PRDM16: variants seen among roughly 807,000 people sequenced by gnomAD.
PRDM16 encodes the protein PR/SET domain 16.
A neutral mutation model predicts 110.6 loss-of-function variants in PRDM16; 23 were observed. That is an observed-to-expected ratio of 0.21 (90% CI 0.15 to 0.29). The LOEUF is 0.29. Ranked by LOEUF, PRDM16 falls within the 10% of genes least tolerant of loss-of-function variation. The pLI is 1.00. For synonymous variants in PRDM16, 799 were observed against 781.8 expected (o/e 1.02, Z -0.37); for missense variants, 1,615 against 1,794.3 (o/e 0.90, Z 1.81).
At chr1:3,310,358 C>G (rs541331167) in intron 3 of PRDM16, among the ~76,000 whole-genome samples, 1 of 152,290 alleles carries the variant, frequency 6.6e-6, no homozygotes, top group African/African-American at 2.4e-5. Context: ...TAAAGCGACC[C>G]GGTCACCGCC....
chr1:3,191,000 C>G lies in PRDM16; in HGVS notation c.387+4526C>G, dbSNP rs1446248791. On this transcript the variant is annotated intron_variant, in intron 2 of 16. Transcript: ENST00000270722. This position sits in a 1 kb window ranked among gnomAD's most constrained non-coding sequence, Gnocchi z 5.0. ...GCTGGGGCGGGATCCCGCAGGACCC[C>G]CAGGGGAGGCACTGGGGGCACTTTG... 6.6e-6 allele frequency among the ~76,000 whole-genome samples: 1 copy of G among 152,002 alleles called. No individual in the cohort carries two copies. Among genetic ancestry groups the G allele is most frequent in the African/African-American group, 2.4e-5 (1 of 41,380 alleles).
chr1:3,389,134 G>A (rs1196714375), intron 4 of PRDM16, among the ~76,000 whole-genome samples: 1 of 152,196 alleles, frequency 6.6e-6, no homozygotes, highest in Non-Finnish European at 1.5e-5. Context: ...GACCGGCCAT[G>A]TGCTCCTCTG....
chr1:3,421,075 G>A (rs896397046), intron 12 of PRDM16, among the ~76,000 whole-genome samples: 22 of 152,240 alleles, frequency 1.4e-4, no homozygotes, highest in Non-Finnish European at 1.2e-4. Flanking sequence ...TTCCATCGGG[G>A]GCTGCACGCG....
rs533008816 is a variant in PRDM16 at position 3,413,727 on chromosome 1, T to C, written c.2604-833T>C. ...CAGTGATGGGAAAGAGGCTCCCAAA[T>C]CTAACCCTCACTATGGGAACCCAGG... On this transcript the variant is annotated intron_variant, in intron 9 of 16. Transcript: ENST00000270722. Among the ~76,000 whole-genome samples, 207 of 152,150 alleles carry C rather than the reference T, an allele frequency of 1.4e-3. 2 individuals are homozygous for C. Among genetic ancestry groups the C allele is most frequent in the South Asian group, 6.8e-3 (33 of 4,822 alleles).
Position 3,425,300 on chromosome 1 carries a change from G to A in PRDM16, c.2940-281G>A, listed in dbSNP as rs962248160. 49 of 279,756 alleles carry A rather than the reference G, an allele frequency of 1.8e-4. No individual in the cohort carries two copies. Among genetic ancestry groups the A allele is most frequent in the African/African-American group, 8.3e-4 (38 of 45,812 alleles). The allele number at this position is 279,756 out of a possible 1,614,324, so 17.3% of individuals were successfully genotyped here. Reference sequence around the variant, plus strand: ...TCACCATGTCAGCCAGGATGGTCTCGATCTCCTGACCTCGTGATCCACCCG... The same window carrying A: ...TCACCATGTCAGCCAGGATGGTCTCAATCTCCTGACCTCGTGATCCACCCG... On this transcript the variant is annotated intron_variant, in intron 12 of 16. Transcript: ENST00000270722. The surrounding 1 kb of genome is among the most constrained non-coding windows in gnomAD (Gnocchi z 6.9).
intron 2 of PRDM16, among the ~76,000 whole-genome samples, chr1:3,200,533 G>A (rs1354485077): frequency 3.3e-5 from 5 of 152,062 alleles, no homozygotes; most frequent in Non-Finnish European, 5.9e-5. Flanking sequence ...TAGTAGAGAC[G>A]GGGTTTCACC....
intron 1 of PRDM16, among the ~76,000 whole-genome samples, chr1:3,167,686 CT>C (rs1427319895): frequency 4.0e-5 from 2 of 49,562 alleles, no homozygotes; most frequent in Non-Finnish European, 7.8e-5. Context: ...CATTGCCCCC[CT>C]GCTCCTGCCA....
chr1:3,163,878 C>A (rs1643920612), intron 1 of PRDM16, among the ~76,000 whole-genome samples: 1 of 152,242 alleles, frequency 6.6e-6, no homozygotes, highest in South Asian at 2.1e-4. Context: ...TCCGTGATGA[C>A]CCTTCTTCCA....
chr1:3,140,355 G>A (rs960888267), intron 1 of PRDM16, among the ~76,000 whole-genome samples: 4 of 152,106 alleles, frequency 2.6e-5, no homozygotes, highest in Non-Finnish European at 4.4e-5. Flanking sequence ...TGGCTACGGG[G>A]GTCTCACATA....
intron 1 of PRDM16, among the ~76,000 whole-genome samples, chr1:3,141,308 C>G (rs1042892842): frequency 3.3e-5 from 5 of 152,292 alleles, no homozygotes; most frequent in South Asian, 4.1e-4. Context: ...GTCAGCTCAG[C>G]ATCAATCTCG....
intron 2 of PRDM16, among the ~76,000 whole-genome samples, chr1:3,186,771 G>A (rs978209549): frequency 4.0e-4 from 61 of 152,182 alleles, no homozygotes; most frequent in African/African-American, 1.3e-3. Flanking sequence ...GATCCCAGGC[G>A]CGAACACTGC....
At chr1:3,231,375 C>T (rs369762176) in intron 2 of PRDM16, among the ~76,000 whole-genome samples, 3 of 91,606 alleles carry the variant, frequency 3.3e-5, no homozygotes, top group East Asian at 4.1e-4. Context: ...TTGCATCTTC[C>T]CCGTCGTCAT....
chr1:3,198,877 G>T (rs1032588213), intron 2 of PRDM16, among the ~76,000 whole-genome samples: 1 of 152,108 alleles, frequency 6.6e-6, no homozygotes, highest in African/African-American at 2.4e-5. Context: ...CGTCCACTCC[G>T]TTCCCATTTA....
intron 5 of PRDM16, among the ~76,000 whole-genome samples, chr1:3,402,536 G>A (rs528850545): frequency 3.3e-5 from 5 of 152,286 alleles, no homozygotes; most frequent in South Asian, 2.1e-4. Flanking sequence ...GGTGTCGCCC[G>A]GGGCTCCCTC....
chr1:3,266,601 C>T (rs1051409256), intron 3 of PRDM16, among the ~76,000 whole-genome samples: 14 of 152,332 alleles, frequency 9.2e-5, no homozygotes, highest in Middle Eastern at 3.4e-3. Context: ...GTCTCGCAGG[C>T]GGGAGGCACG....
chr1:3,383,266 G>A (rs1643136089), intron 3 of PRDM16, among the ~76,000 whole-genome samples: 1 of 152,210 alleles, frequency 6.6e-6, no homozygotes, highest in African/African-American at 2.4e-5. Context: ...AGGCACGGCT[G>A]TGTGTGATAG....
intron 3 of PRDM16, among the ~76,000 whole-genome samples, chr1:3,365,100 C>G (rs1642786286): frequency 6.6e-6 from 1 of 152,214 alleles, no homozygotes; most frequent in African/African-American, 2.4e-5. Flanking sequence ...GGGCAGCAAC[C>G]TGGAGCTGGC....
chr1:3,109,249 G>A (rs1437810368), intron 1 of PRDM16, among the ~76,000 whole-genome samples: 1 of 152,150 alleles, frequency 6.6e-6, no homozygotes, highest in African/African-American at 2.4e-5. Flanking sequence ...TCCGGTCCAC[G>A]TTTTGCAGGT....
chr1:3,196,674 T>G (rs1385398133), intron 2 of PRDM16, among the ~76,000 whole-genome samples: 2 of 152,196 alleles, frequency 1.3e-5, no homozygotes, highest in African/African-American at 4.8e-5. Flanking sequence ...CTCTACCTAC[T>G]ACTGGCTGAG....
Sources: allele counts gnomAD v4.1 joint callset (sites outside exome capture counted in the v4.1 genomes callset), GRCh38; gene constraint gnomAD v4.1.1; non-coding constraint Gnocchi (gnomAD v3.1); transcripts MANE v1.5; gene names NCBI Gene and HGNC (gene_info 2026-07-23, HGNC 2026-07-21).